The following MINDY3 variants were observed in gnomAD, a reference collection of about 807,000 sequenced individuals.
MINDY3 encodes MINDY lysine 48 deubiquitinase 3.
MINDY3 carries 38 observed loss-of-function variants against 69.2 expected under a neutral mutation model. That is an observed-to-expected ratio of 0.55 (90% CI 0.42 to 0.72). The LOEUF is 0.72. Ranked by LOEUF, MINDY3 falls within the 30% of genes least tolerant of loss-of-function variation. The probability of loss-of-function intolerance (pLI) is 0.00; values close to 1 mark genes in which losing one functional copy is unlikely to be tolerated. For synonymous variants in MINDY3, 192 were observed against 180.1 expected, an observed-to-expected ratio of 1.07 and a Z score of -0.53; for missense variants, 522 against 519.0, an observed-to-expected ratio of 1.01 and a Z score of -0.06.
At chr10:15,853,249 G>A (rs1370250626) in intron 1 of MINDY3, among the ~76,000 whole-genome samples, 1 of 151,908 alleles carries the variant, frequency 6.6e-6, no homozygotes, top group East Asian at 1.9e-4. Flanking sequence ...TCCAAGTCCT[G>A]AAAAAGAGCT....
At position 15,818,843 on chromosome 10, in the gene MINDY3, TG is replaced by T. The variant is rs1409301903; in HGVS notation, c.802-1929del. On this transcript the variant is annotated intron_variant, in intron 9 of 14. Transcript: ENST00000277632. ...TTCCAGGGGCTGAGTGGGAGGAGCA[TG>T]GGACTGCTAATGGGTTTAGAGCTCC... Among the ~76,000 whole-genome samples the T allele has an allele frequency of 2.0e-5, 3 of 152,088 alleles. No individual in the cohort carries two copies. In the East Asian group the frequency reaches 5.8e-4, roughly 29 times the overall value.
chr10:15,837,733 C>T, intron 5 of MINDY3: 1 of 1,050,402 alleles, frequency 9.5e-7, no homozygotes, highest in East Asian at 9.2e-5. Flanking sequence ...ACATTTGCGG[C>T]TTCTTTTAAA....
chr10:15,779,138 T>A lies in MINDY3; in HGVS notation c.1192A>T (p.Met398Leu). 1.9e-6 allele frequency: 3 copies of A among 1,612,350 alleles called. No homozygotes were observed. The highest frequency in any genetic ancestry group is 1.7e-4 in the Middle Eastern group (1 of 6,056). ...LKQSNYNEKVMYVEGTAVVMG... is the reference protein window; with the variant it reads ...LKQSNYNEKVLYVEGTAVVMG... ...ACAACTGCAGTCCCTTCTACGTACA[T>A]GACCTGTTGAACAAAATAAAGCCAC... The change falls in exon 15 of 15, where the codon ATG becomes TTG. Residue 398 changes from methionine to leucine, a missense_variant. By Grantham distance (15) the Met-to-Leu change is conservative. Coordinates refer to ENST00000277632, the MANE Select transcript of MINDY3 (RefSeq NM_024948.4).
At chr10:15,847,003 G>A (rs1354729907) in intron 2 of MINDY3, among the ~76,000 whole-genome samples, 3 of 152,116 alleles carry the variant, frequency 2.0e-5, no homozygotes, top group Non-Finnish European at 4.4e-5. Context: ...GATTACAGGT[G>A]CGAGCCACCG....
intron 10 of MINDY3, among the ~76,000 whole-genome samples, chr10:15,805,657 C>T (rs1387612802): frequency 2.0e-5 from 3 of 152,144 alleles, no homozygotes; most frequent in African/African-American, 7.2e-5. Context: ...GCCTCATTGA[C>T]ATCAGATTCA....
At chr10:15,779,335 G>C (rs1396997621) in intron 14 of MINDY3, among the ~76,000 whole-genome samples, 194 bp from the exon 15 acceptor site, 2 of 152,234 alleles carry the variant, frequency 1.3e-5, no homozygotes, top group African/African-American at 4.8e-5. Context: ...ATTTGTAAAC[G>C]ATATTTAATT....
At position 15,778,709 on chromosome 10, in the gene MINDY3, T is replaced by C. The variant is rs1836286692; in HGVS notation, c.*283A>G. On this transcript the variant is annotated 3_prime_UTR_variant, in exon 15 of 15. Transcript: ENST00000277632. ...ATGCTGTAGTATTGCGTTTGTAATTTGGTAAGTAAATGACCAAGTATCTGA... is the reference window on the plus strand; with the variant it reads ...ATGCTGTAGTATTGCGTTTGTAATTCGGTAAGTAAATGACCAAGTATCTGA... 1 of 270,224 alleles carries C rather than the reference T, an allele frequency of 3.7e-6. No homozygotes were observed. The highest frequency in any genetic ancestry group is 7.0e-6 in the Non-Finnish European group (1 of 142,776). 16.7% of individuals were successfully genotyped at this position (270,224 alleles called of 1,614,324 possible).
At chr10:15,840,460 A>G (rs1386111310) in intron 4 of MINDY3, among the ~76,000 whole-genome samples, 2 of 151,738 alleles carry the variant, frequency 1.3e-5, no homozygotes, top group Non-Finnish European at 3.0e-5. Context: ...AGGTAGGAGA[A>G]AAAAGACACT....
chr10:15,842,904 CA>C (rs370464190), intron 3 of MINDY3, among the ~76,000 whole-genome samples: 1,480 of 68,216 alleles, frequency 0.022, 12 homozygotes, highest in African/African-American at 0.073. Context: ...AATAAGACTA[CA>C]AAAAAAAAAA....
At chr10:15,832,568 A>G (rs528932537) in intron 8 of MINDY3, among the ~76,000 whole-genome samples, 1 of 152,312 alleles carries the variant, frequency 6.6e-6, no homozygotes, top group South Asian at 2.1e-4. Flanking sequence ...TTGTTCACGA[A>G]TTTCACTGTT....
chr10:15,839,513 G>C (rs1833315466), intron 4 of MINDY3, among the ~76,000 whole-genome samples: 2 of 151,658 alleles, frequency 1.3e-5, no homozygotes, highest in Admixed American at 1.3e-4. Flanking sequence ...TATACTGCTT[G>C]TTCTGCAACA....
At chr10:15,782,752 G>GT (rs1836645002) in intron 13 of MINDY3, among the ~76,000 whole-genome samples, 1 of 152,122 alleles carries the variant, frequency 6.6e-6, no homozygotes, top group Admixed American at 6.6e-5. Context: ...AAAGAGCACT[G>GT]TGAGAAATGA....
At chr10:15,805,988 C>G (rs1838612054) in intron 10 of MINDY3, among the ~76,000 whole-genome samples, 1 of 152,084 alleles carries the variant, frequency 6.6e-6, no homozygotes, top group Non-Finnish European at 1.5e-5. Flanking sequence ...TCTCAAATTC[C>G]TTTTTGCCAT....
intron 3 of MINDY3, among the ~76,000 whole-genome samples, chr10:15,842,316 T>C (rs1228124534): frequency 1.3e-5 from 2 of 151,958 alleles, no homozygotes; most frequent in Non-Finnish European, 2.9e-5. Flanking sequence ...GCAGGAACTA[T>C]GCTGTTCACT....
chr10:15,841,009 TG>T (rs1833429860), intron 4 of MINDY3, among the ~76,000 whole-genome samples: 3 of 151,410 alleles, frequency 2.0e-5, no homozygotes, highest in Non-Finnish European at 4.4e-5. Context: ...TGAGGAGAAA[TG>T]TCCCCATCTT....
intron 6 of MINDY3, among the ~76,000 whole-genome samples, 161 bp downstream of exon 6, chr10:15,837,043 A>G (rs1428563969): frequency 2.0e-5 from 3 of 151,998 alleles, no homozygotes; most frequent in Non-Finnish European, 4.4e-5. Flanking sequence ...TTAAGCAACG[A>G]GTGAGTGCTG....
At chr10:15,850,225 C>T (rs757675271) in intron 1 of MINDY3, among the ~76,000 whole-genome samples, 7 of 152,126 alleles carry the variant, frequency 4.6e-5, no homozygotes, top group Non-Finnish European at 1.0e-4. Flanking sequence ...GCATGTATGT[C>T]GCCTCAGGAT....
At chr10:15,822,429 A>G (rs766966811) in intron 8 of MINDY3, among the ~76,000 whole-genome samples, 2 of 152,218 alleles carry the variant, frequency 1.3e-5, no homozygotes, top group Non-Finnish European at 2.9e-5. Flanking sequence ...CTTGAAGCGT[A>G]TTACAGTTCT....
chr10:15,786,257 G>A (rs1836947447), intron 13 of MINDY3, among the ~76,000 whole-genome samples: 1 of 152,074 alleles, frequency 6.6e-6, no homozygotes, highest in African/African-American at 2.4e-5. Context: ...AAGAAAAGTG[G>A]GGGTGGGAGT....
Sources: allele counts gnomAD v4.1 joint callset (sites outside exome capture counted in the v4.1 genomes callset), GRCh38; gene constraint gnomAD v4.1.1; transcripts MANE v1.5; gene names NCBI Gene and HGNC (gene_info 2026-07-23, HGNC 2026-07-21).